The following VILL variants were observed in gnomAD, a reference collection of about 807,000 sequenced individuals.
VILL encodes the protein villin-like protein.
VILL carries 102 observed loss-of-function variants against 106.3 expected under a neutral mutation model. The ratio of observed to expected loss-of-function variants is 0.96; its 90% CI spans 0.82 to 1.13. VILL has a LOEUF of 1.13. VILL is among the 50% of genes most tolerant of loss of function. VILL has a pLI of 0.00. For synonymous variants in VILL, 431 were observed against 440.3 expected, an observed-to-expected ratio of 0.98 and a Z score of 0.27; for missense variants, 1,076 against 1,116.6, an observed-to-expected ratio of 0.96 and a Z score of 0.52.
chr3:38,002,586 CA>C lies in VILL; in HGVS notation c.1659+12del. ...CTCTGGTTTGGGAAGGTACCCACAG[CA>C]CTGACCACTTGATTCATGCCCAGAT... On this transcript the variant is annotated intron_variant, in intron 14 of 19. Coordinates refer to ENST00000383759, the MANE Select transcript of VILL (RefSeq NM_015873.4). The C allele has an allele frequency of 6.2e-7, 1 of 1,608,912 alleles. No individual in the cohort carries two copies. The highest frequency in any genetic ancestry group is 8.5e-7 in the Non-Finnish European group (1 of 1,176,996).
At chr3:38,006,084 G>A in intron 17 of VILL, 97 bp from the exon 18 acceptor site, 4 of 1,600,210 alleles carry the variant, frequency 2.5e-6, no homozygotes, top group Non-Finnish European at 3.4e-6. Context: ...GCCAGTGTGT[G>A]CGAGAGACCT....
In VILL at chr3:37,999,402, A is replaced by C; in HGVS notation, c.1145A>C (p.Gln382Pro). The C allele has an allele frequency of 6.7e-7, 1 of 1,496,466 alleles. No individual in the cohort carries two copies. The allele number at this position is 1,496,466 out of a possible 1,614,324, so 92.7% of individuals were successfully genotyped here. Residue 382 changes from glutamine (Q) to proline (P), a missense_variant, in exon 11 of 20, where the codon CAG (glutamine) becomes CCG (proline). Gln to Pro is a moderately conservative substitution (Grantham distance 76). Coordinates refer to ENST00000383759, the MANE Select transcript of VILL (RefSeq NM_015873.4). ...KLHTQPKLAAQLRMVDDGSGK... is the reference protein window; with the variant it reads ...KLHTQPKLAAPLRMVDDGSGK... The stretch of plus-strand genomic sequence containing the variant: ...CACACCCAGCCTAAGTTAGCGGCCC[A>C]GCTCAGGATGGTGGACGACGGCTCT...
At chr3:37,988,400 C>A (rs902635644), upstream of VILL, among the ~76,000 whole-genome samples, 1 of 152,040 alleles carries the variant, frequency 6.6e-6, no homozygotes, top group Non-Finnish European at 1.5e-5. Flanking sequence ...TAGTCAAAAT[C>A]ATAGAAAATA....
At chr3:38,002,211 C>A in intron 13 of VILL, 185 bp from the exon 14 acceptor site, 1 of 647,790 alleles carries the variant, frequency 1.5e-6, no homozygotes, top group Non-Finnish European at 2.6e-6. Context: ...CTGTCCCTGT[C>A]CCAGACTGAT....
Position 37,997,647 on chromosome 3 carries a change from T to A in VILL, c.726T>A (p.Asp242Glu). ...TGCGTGCCGCCACGCCCAGCAAGGA[T>A]ATCAACCAGCTGCAGAAGGCCAATG... ...GSLRAATPSK[D>E]INQLQKANVR... is the part of the protein sequence containing the mutation. The change falls in exon 7 of 20, where the codon GAT becomes GAA. Residue 242 changes from aspartate (D) to glutamate (E), a missense_variant. Transcript: ENST00000383759. This position sits in a 1 kb window ranked among gnomAD's most constrained non-coding sequence, Gnocchi z 4.7. 6.4e-7 allele frequency: 1 copy of A among 1,559,276 alleles called. No individual in the cohort carries two copies. The highest frequency in any genetic ancestry group is 1.1e-5 in the South Asian group (1 of 90,202).
In VILL at chr3:37,997,722, A is replaced by C. The variant is rs763445890; in HGVS notation, c.764+37A>C. 6.3e-7 allele frequency: 1 copy of C among 1,575,394 alleles called. No individual in the cohort carries two copies. The highest frequency in any genetic ancestry group is 8.6e-7 in the Non-Finnish European group (1 of 1,157,944). On this transcript the variant is annotated intron_variant, in intron 7 of 19. Coordinates refer to ENST00000383759, the MANE Select transcript of VILL (RefSeq NM_015873.4). This position sits in a 1 kb window ranked among gnomAD's most constrained non-coding sequence, Gnocchi z 4.7. ...TGGGGTGGGCAGGGGTGGGTGGGAC[A>C]GTCCAGGACTCTGTGTCCATCACTA...
intron 5 of VILL, 99 bp from the exon 6 acceptor site, chr3:37,996,978 T>TCA (rs1699713172): frequency 7.9e-6 from 8 of 1,008,110 alleles, no homozygotes; most frequent in Non-Finnish European, 1.2e-5. Context: ...TACACCCAGT[T>TCA]TGCATACAGC....
Position 37,993,626 on chromosome 3 carries a change from T to G in VILL, c.-47T>G. 1 of 1,595,104 alleles carries G rather than the reference T, an allele frequency of 6.3e-7. No homozygotes were observed. Among genetic ancestry groups the G allele is most frequent in the South Asian group, 1.1e-5 (1 of 90,320 alleles). ...AGGTGTCGGTCTCCAGCCTGAGAAC[T>G]CTGGCTGTTGTTCCTTGTGTCGTCC... is the stretch of plus-strand genomic sequence containing the variant. On this transcript the variant is annotated 5_prime_UTR_variant, in exon 2 of 20. Transcript: ENST00000383759.
In VILL at chr3:37,998,980, G is replaced by C. The variant is rs770417972; in HGVS notation, c.1011G>C (p.Ser337=). 4 of 1,610,430 alleles carry C rather than the reference G, an allele frequency of 2.5e-6. No homozygotes were observed. The highest frequency in any genetic ancestry group is 2.5e-6 in the Non-Finnish European group (3 of 1,178,512). ...AGGTGGTGAACGACGGCGCCGAGTC[G>C]GCCGCGTTCAAGCAGCTCTTCCGGA... The part of the protein sequence containing the change: ...NVEVVNDGAE[S]AAFKQLFRTW... Residue 337 remains serine (S), a synonymous_variant, in exon 10 of 20, where the codon TCG becomes TCC. Coordinates refer to ENST00000383759, the MANE Select transcript of VILL (RefSeq NM_015873.4). This position sits in a 1 kb window ranked among gnomAD's most constrained non-coding sequence, Gnocchi z 4.1.
intron 17 of VILL, 44 bp downstream of exon 17, chr3:38,006,018 G>C: frequency 6.3e-7 from 1 of 1,593,598 alleles, no homozygotes; most frequent in South Asian, 1.1e-5. Flanking sequence ...AATTTGTGGG[G>C]AGAGGAACCT....
Position 37,993,658 on chromosome 3 carries a change from C to G in VILL, c.-15C>G. On this transcript the variant is annotated 5_prime_UTR_variant, in exon 2 of 20. Transcript: ENST00000383759. Reference sequence around the variant, plus strand: ...GTTGTTCCTTGTGTCGTCCCATATTCCTGCCTGGCCTGCGATGGACATCAG... The same window carrying G: ...GTTGTTCCTTGTGTCGTCCCATATTGCTGCCTGGCCTGCGATGGACATCAG... 1.2e-6 allele frequency: 2 copies of G among 1,613,418 alleles called. No homozygotes were observed. The highest frequency in any genetic ancestry group is 1.7e-6 in the Non-Finnish European group (2 of 1,179,586).
At chr3:37,988,620 T>C (rs991019673), upstream of VILL, among the ~76,000 whole-genome samples, 1 of 152,196 alleles carries the variant, frequency 6.6e-6, no homozygotes, top group Non-Finnish European at 1.5e-5. Context: ...CCCAACACTT[T>C]GGGAGGCTGA....
chr3:37,997,286 C>G lies in VILL; in HGVS notation c.561+99C>G. ...GCCACCCAAAGAGTTGGGCTTGGCTCTGCTACAACCCAAGAAACGCCTATG... is the reference window on the plus strand; with the variant it reads ...GCCACCCAAAGAGTTGGGCTTGGCTGTGCTACAACCCAAGAAACGCCTATG... On this transcript the variant is annotated intron_variant, in intron 6 of 19. Coordinates refer to ENST00000383759, the MANE Select transcript of VILL (RefSeq NM_015873.4). The surrounding 1 kb of genome is among the most constrained non-coding windows in gnomAD (Gnocchi z 4.7). 2 of 1,328,530 alleles carry G rather than the reference C, an allele frequency of 1.5e-6. No homozygotes were observed. Among genetic ancestry groups the G allele is most frequent in the East Asian group, 2.3e-5 (1 of 42,772 alleles). The allele number at this position is 1,328,530 out of a possible 1,614,324, so 82.3% of individuals were successfully genotyped here.
upstream of VILL, among the ~76,000 whole-genome samples, chr3:37,988,609 TC>T (rs753176397): frequency 9.8e-5 from 15 of 152,366 alleles, no homozygotes; most frequent in African/African-American, 3.1e-4. Flanking sequence ...ACGCCTGTAA[TC>T]CCAACACTTT....
At chr3:38,002,684 C>T (rs1317242301) in intron 14 of VILL, 109 bp downstream of exon 14, 8 of 1,273,962 alleles carry the variant, frequency 6.3e-6, no homozygotes, top group South Asian at 1.5e-5. Flanking sequence ...TCAGATAGGC[C>T]GATGGGGGGA....
At position 38,005,896 on chromosome 3, in the gene VILL, C is replaced by T. The variant is rs1699910059; in HGVS notation, c.2055C>T (p.Pro685=). 6.2e-7 allele frequency: 1 copy of T among 1,614,156 alleles called. No homozygotes were observed. Among genetic ancestry groups the T allele is most frequent in the East Asian group, 2.2e-5 (1 of 44,876 alleles). ...THPAGRSPAT[P]IVLVKQGHEP... ...CAGCAGGGAGGAGCCCGGCCACACC[C>T]ATCGTGCTGGTCAAGCAGGGCCATG... The change falls in exon 17 of 20, where the codon CCC becomes CCT. Residue 685 remains proline (P), a synonymous_variant. Transcript: ENST00000383759.
chr3:37,997,453 A>T lies in VILL; in HGVS notation c.562-30A>T, dbSNP rs767249720. On this transcript the variant is annotated intron_variant, in intron 6 of 19. Transcript: ENST00000383759. The surrounding 1 kb of genome is among the most constrained non-coding windows in gnomAD (Gnocchi z 4.7). ...TCTGCTGTGAGAGGGCACACTGGTGACACCCTGACTCCCAGGTCCTCTCCC... is the reference window on the plus strand; with the variant it reads ...TCTGCTGTGAGAGGGCACACTGGTGTCACCCTGACTCCCAGGTCCTCTCCC... The T allele has an allele frequency of 7.0e-5, 112 of 1,609,066 alleles. No homozygotes were observed. The highest frequency in any genetic ancestry group is 9.2e-5 in the Non-Finnish European group (108 of 1,178,594).
Position 38,007,106 on chromosome 3 carries a change from A to G in VILL, c.*51A>G, listed in dbSNP as rs780754249. 4.7e-5 allele frequency: 69 copies of G among 1,452,672 alleles called. 1 individual carries two copies. The highest frequency in any genetic ancestry group is 4.6e-4 in the South Asian group (40 of 86,524). The allele number at this position is 1,452,672 out of a possible 1,614,324, so 90.0% of individuals were successfully genotyped here. A position where few individuals can be genotyped will look rare whatever the true frequency, so the allele number is the denominator to read the frequency against. ...TCCCCTGGACCCCAACATACCTACA[A>G]TGCTGGGGAGGCCCTGCTTCCACTC... On this transcript the variant is annotated 3_prime_UTR_variant, in exon 20 of 20. Coordinates refer to ENST00000383759, the MANE Select transcript of VILL (RefSeq NM_015873.4).
At chr3:37,996,829 A>G (rs1352047558) in intron 5 of VILL, among the ~76,000 whole-genome samples, 2 of 152,220 alleles carry the variant, frequency 1.3e-5, no homozygotes, top group Non-Finnish European at 2.9e-5. Flanking sequence ...ACACACACAA[A>G]AGATAAACAG....
Sources: allele counts gnomAD v4.1 joint callset (sites outside exome capture counted in the v4.1 genomes callset), GRCh38; gene constraint gnomAD v4.1.1; non-coding constraint Gnocchi (gnomAD v3.1); transcripts MANE v1.5; gene names NCBI Gene and HGNC (gene_info 2026-07-23, HGNC 2026-07-21).